Variants in RBFOX1 observed in about 807,000 individuals in gnomAD.
RBFOX1 encodes RNA binding fox-1 homolog 1, also known as RNA binding protein fox-1 homolog 1.
RBFOX1 carries 8 observed loss-of-function variants against 57.7 expected under a neutral mutation model. The observed-to-expected ratio is 0.14, with a 90% confidence interval of 0.08 to 0.25. RBFOX1 has a LOEUF of 0.25. Ranked by LOEUF, RBFOX1 falls within the 10% of genes least tolerant of loss-of-function variation. The pLI, the probability that RBFOX1 is intolerant of heterozygous loss-of-function variation, is 1.00. For missense variants in RBFOX1, 611 were observed against 548.5 expected (o/e 1.11, Z -1.14); for synonymous variants, 326 against 222.4 (o/e 1.47, Z -4.15).
intron 3 of RBFOX1, among the ~76,000 whole-genome samples, chr16:7,037,045 C>G (rs185421476): frequency 4.5e-4 from 69 of 152,166 alleles, no homozygotes; most frequent in Admixed American, 2.2e-3. Flanking sequence ...GCAGTGAGGA[C>G]AACCAGAGGT....
At chr16:7,512,620 A>C (rs758507789) in intron 4 of RBFOX1, among the ~76,000 whole-genome samples, 1 of 152,190 alleles carries the variant, frequency 6.6e-6, no homozygotes. Context: ...CTCCTTGGCT[A>C]CCATGGACTC....
At chr16:7,013,219 C>T (rs1320249149) in intron 3 of RBFOX1, among the ~76,000 whole-genome samples, 1 of 152,176 alleles carries the variant, frequency 6.6e-6, no homozygotes, top group East Asian at 1.9e-4. Flanking sequence ...GTTCTCTAAG[C>T]ATCCTTTCTT....
chr16:6,050,963 G>T (rs904703102), intron 1 of RBFOX1, among the ~76,000 whole-genome samples: 1 of 148,562 alleles, frequency 6.7e-6, no homozygotes, highest in African/African-American at 2.5e-5. Flanking sequence ...ATTTTGACAT[G>T]ACTCTGCTTG....
At chr16:6,810,800 A>G (rs1415998501) in intron 3 of RBFOX1, among the ~76,000 whole-genome samples, 1 of 152,128 alleles carries the variant, frequency 6.6e-6, no homozygotes, top group Non-Finnish European at 1.5e-5. Flanking sequence ...ATCTCGCCAG[A>G]AGTCACTCAC....
chr16:5,922,707 A>G (rs2058851101), intron 4 of RBFOX1, among the ~76,000 whole-genome samples: 1 of 152,224 alleles, frequency 6.6e-6, no homozygotes, highest in African/African-American at 2.4e-5. Context: ...CCTTACCCAG[A>G]TTTCCATAAA....
At chr16:5,352,947 A>G (rs2065296550) in intron 1 of RBFOX1, among the ~76,000 whole-genome samples, 1 of 152,192 alleles carries the variant, frequency 6.6e-6, no homozygotes, top group Admixed American at 6.5e-5. Flanking sequence ...TGTTTTAGAA[A>G]CAAAAATATC....
intron 11 of RBFOX1, among the ~76,000 whole-genome samples, chr16:7,650,463 G>A (rs2064800944): frequency 6.6e-6 from 1 of 151,920 alleles, no homozygotes; most frequent in Non-Finnish European, 1.5e-5. Flanking sequence ...GAACCTCCTA[G>A]GAAGCCTTGT....
chr16:7,709,025 G>A (rs1393328667), intron 14 of RBFOX1, 31 bp from the exon 15 acceptor site: 11 of 1,570,174 alleles, frequency 7.0e-6, no homozygotes, highest in Non-Finnish European at 9.6e-6. Context: ...TGCATACTGT[G>A]GATCAATCTT....
chr16:7,512,738 C>T (rs1442471756), intron 4 of RBFOX1, among the ~76,000 whole-genome samples: 1 of 152,224 alleles, frequency 6.6e-6, no homozygotes, highest in Non-Finnish European at 1.5e-5. Flanking sequence ...CTTGCCTTTC[C>T]TCGGATAGCC....
chr16:5,827,164 G>A (rs946672171), intron 3 of RBFOX1, among the ~76,000 whole-genome samples: 1 of 152,110 alleles, frequency 6.6e-6, no homozygotes, highest in African/African-American at 2.4e-5. Flanking sequence ...CACTCTAGGA[G>A]GCCGAGGTGG....
At chr16:5,582,685 G>A (rs561418616) in intron 2 of RBFOX1, among the ~76,000 whole-genome samples, 1 of 151,862 alleles carries the variant, frequency 6.6e-6, no homozygotes, top group Non-Finnish European at 1.5e-5. Flanking sequence ...CAAGTAGCTG[G>A]GACCACAGGC....
intron 1 of RBFOX1, among the ~76,000 whole-genome samples, chr16:6,253,615 ATGG>A (rs74268736): frequency 0.57 from 86,102 of 151,552 alleles, 26,815 homozygotes; most frequent in East Asian, 0.81. Context: ...GGATAGATGG[ATGG>A]ATGGATGGAT....
intron 4 of RBFOX1, among the ~76,000 whole-genome samples, chr16:7,160,423 C>T (rs560459964): frequency 1.3e-5 from 2 of 151,726 alleles, no homozygotes; most frequent in East Asian, 3.9e-4. Context: ...CCTTTTCCTT[C>T]CTTCTTTCGT....
intron 5 of RBFOX1, among the ~76,000 whole-genome samples, chr16:7,562,203 G>A (rs2152687400): frequency 6.6e-6 from 1 of 152,290 alleles, no homozygotes; most frequent in East Asian, 1.9e-4. Flanking sequence ...GGGATGTCAT[G>A]GCACAGAGCT....
chr16:6,802,966 T>C (rs2085846477), intron 3 of RBFOX1, among the ~76,000 whole-genome samples: 1 of 152,200 alleles, frequency 6.6e-6, no homozygotes, highest in African/African-American at 2.4e-5. Flanking sequence ...TCCACAACAA[T>C]TTTTATTTTC....
intron 3 of RBFOX1, among the ~76,000 whole-genome samples, chr16:5,837,376 G>A (rs1020461808): frequency 1.3e-5 from 2 of 151,950 alleles, no homozygotes; most frequent in South Asian, 4.2e-4. Context: ...AATCCTAAGA[G>A]ATCTTATTGG....
chr16:6,150,463 C>T (rs1319798200), intron 1 of RBFOX1, among the ~76,000 whole-genome samples: 2 of 151,680 alleles, frequency 1.3e-5, no homozygotes, highest in Non-Finnish European at 2.9e-5. Flanking sequence ...TTCTGTTTTC[C>T]ATTAAAAAAA....
intron 4 of RBFOX1, among the ~76,000 whole-genome samples, chr16:7,435,876 A>ATG (rs761544133): frequency 2.6e-5 from 4 of 152,064 alleles, no homozygotes; most frequent in Non-Finnish European, 5.9e-5. Context: ...CTGCTGGGGT[A>ATG]TGTGTGTGTG....
At chr16:6,596,914 TAC>T (rs774275106) in intron 2 of RBFOX1, among the ~76,000 whole-genome samples, 3 of 152,126 alleles carry the variant, frequency 2.0e-5, no homozygotes, top group East Asian at 1.9e-4. Context: ...GATACATTCA[TAC>T]ACACACACAG....
Sources: gnomAD v4.1 joint callset for allele counts (sites outside exome capture counted in the v4.1 genomes callset) on GRCh38, gnomAD v4.1.1 for gene constraint, MANE v1.5 for transcripts, NCBI Gene and HGNC (gene_info 2026-07-23, HGNC 2026-07-21) for gene names.